The following FYB1 variants were observed in gnomAD, a reference collection of about 807,000 sequenced individuals.
FYB1 encodes FYN-binding protein 1.
A neutral mutation model predicts 94.1 loss-of-function variants in FYB1; 41 were observed. That is an observed-to-expected ratio of 0.44 (90% CI 0.34 to 0.57). The LOEUF is 0.57. Among genes scored for constraint, FYB1 ranks in the 20% least tolerant of loss-of-function variants. FYB1 has a pLI of 0.02. For missense variants in FYB1, 1,050 were observed against 976.8 expected (o/e 1.07, Z -1.00); for synonymous variants, 367 against 353.2 (o/e 1.04, Z -0.44).
chr5:39,140,279 T>G (rs188652593), intron 4 of FYB1, among the ~76,000 whole-genome samples: 169 of 152,110 alleles, frequency 1.1e-3, no homozygotes, highest in African/African-American at 4.0e-3. Context: ...CCCCTACAAG[T>G]TAACTAGAAA....
intron 1 of FYB1, chr5:39,270,605 A>C (rs1214837577): frequency 1.2e-5 from 19 of 1,533,846 alleles, no homozygotes; most frequent in Non-Finnish European, 1.5e-5. Context: ...CCTGGCACAC[A>C]ATGACCCCGA....
intron 1 of FYB1, among the ~76,000 whole-genome samples, chr5:39,231,687 A>G (rs937345597): frequency 3.3e-5 from 5 of 151,094 alleles, no homozygotes; most frequent in African/African-American, 1.2e-4. Context: ...GGAGGTGCTC[A>G]GACACTAATT....
intron 14 of FYB1, among the ~76,000 whole-genome samples, chr5:39,122,078 A>G (rs1740170887): frequency 1.3e-5 from 2 of 152,070 alleles, no homozygotes; most frequent in South Asian, 2.1e-4. Flanking sequence ...TCAGGAAACA[A>G]GAAGCAGAAC....
chr5:39,240,392 T>C (rs930433528), intron 1 of FYB1, among the ~76,000 whole-genome samples: 1 of 151,950 alleles, frequency 6.6e-6, no homozygotes, highest in African/African-American at 2.4e-5. Flanking sequence ...AGACAATCTA[T>C]AGAATGGGAG....
intron 4 of FYB1, among the ~76,000 whole-genome samples, chr5:39,140,428 T>C (rs1214170289): frequency 6.6e-6 from 1 of 152,152 alleles, no homozygotes; most frequent in Non-Finnish European, 1.5e-5. Flanking sequence ...AAAGGAGATA[T>C]AATTTGATTC....
intron 1 of FYB1, among the ~76,000 whole-genome samples, chr5:39,251,807 T>C (rs1751723538): frequency 6.6e-6 from 1 of 152,110 alleles, no homozygotes; most frequent in Non-Finnish European, 1.5e-5. Flanking sequence ...TATTGGGTAA[T>C]ATAATGTAAA....
intron 1 of FYB1, among the ~76,000 whole-genome samples, chr5:39,213,850 TTGGC>T (rs755134320): frequency 3.9e-5 from 6 of 152,228 alleles, no homozygotes; most frequent in South Asian, 2.1e-4. Context: ...TATCGTTCAT[TTGGC>T]TGCAGCCTCA....
chr5:39,248,236 A>C (rs914695519), intron 1 of FYB1, among the ~76,000 whole-genome samples: 5 of 152,230 alleles, frequency 3.3e-5, no homozygotes, highest in Non-Finnish European at 5.9e-5. Context: ...CAGGCACTGG[A>C]TAAGGAGCTT....
chr5:39,242,066 T>C (rs1487442387), intron 1 of FYB1, among the ~76,000 whole-genome samples: 1 of 152,180 alleles, frequency 6.6e-6, no homozygotes, highest in Non-Finnish European at 1.5e-5. Context: ...ATCACTATTT[T>C]TTTTCCCTCT....
intron 4 of FYB1, 70 bp downstream of exon 4, chr5:39,141,025 A>C (rs988685592): frequency 1.9e-6 from 2 of 1,079,052 alleles, no homozygotes; most frequent in Non-Finnish European, 2.8e-6. Context: ...TGAGCCTATA[A>C]GAATGAATAG....
intron 16 of FYB1, among the ~76,000 whole-genome samples, chr5:39,115,226 G>A (rs1739424705): frequency 6.6e-6 from 1 of 151,822 alleles, no homozygotes; most frequent in South Asian, 2.1e-4. Context: ...CTCTCTAGTA[G>A]CTGGACTACA....
At chr5:39,129,815 C>A (rs889803916) in intron 10 of FYB1, among the ~76,000 whole-genome samples, 2 of 151,530 alleles carry the variant, frequency 1.3e-5, no homozygotes, top group East Asian at 3.9e-4. Flanking sequence ...CTCATACTGT[C>A]GGTGGGAATA....
At chr5:39,203,136 G>A in intron 1 of FYB1, 149 bp from the exon 2 acceptor site, 1 of 655,346 alleles carries the variant, frequency 1.5e-6, no homozygotes, top group South Asian at 2.1e-5. Flanking sequence ...TTCCTCTCTG[G>A]CAAAATAAGT....
At chr5:39,158,665 T>C (rs1157111925) in intron 2 of FYB1, among the ~76,000 whole-genome samples, 4 of 152,190 alleles carry the variant, frequency 2.6e-5, no homozygotes, top group Non-Finnish European at 5.9e-5. Context: ...AGACTTAGGA[T>C]ATCTACCTTG....
At chr5:39,181,616 A>G (rs538729554) in intron 2 of FYB1, among the ~76,000 whole-genome samples, 1 of 152,234 alleles carries the variant, frequency 6.6e-6, no homozygotes, top group African/African-American at 2.4e-5. Context: ...AAGATTCCTC[A>G]AATTGAACAT....
At chr5:39,234,078 A>G (rs1166281704) in intron 1 of FYB1, among the ~76,000 whole-genome samples, 3 of 152,216 alleles carry the variant, frequency 2.0e-5, no homozygotes, top group East Asian at 3.9e-4. Flanking sequence ...CGCCACATGC[A>G]TGATATCCAG....
intron 1 of FYB1, among the ~76,000 whole-genome samples, chr5:39,252,512 G>C (rs1751769240): frequency 6.6e-6 from 1 of 152,234 alleles, no homozygotes; most frequent in East Asian, 1.9e-4. Flanking sequence ...AAATCAATTG[G>C]TATAAATTCT....
At position 39,237,416 on chromosome 5, in the gene FYB1, G is replaced by A. The variant is rs555328946; in HGVS notation, c.-27-34429C>T. ...CTGTGGGTCCAGGTGTTATAAATGA[G>A]TTGAGATTGATCCACTAAGGCCTTG... On this transcript the variant is annotated intron_variant, in intron 1 of 1. Transcript: ENST00000510188. 5.3e-5 allele frequency among the ~76,000 whole-genome samples: 8 copies of A among 152,106 alleles called. No homozygotes were observed. In the South Asian group the frequency reaches 1.7e-3, roughly 32 times the overall value.
intron 3 of FYB1, among the ~76,000 whole-genome samples, chr5:39,144,849 C>G (rs66496885): frequency 3.3e-5 from 5 of 151,920 alleles, no homozygotes; most frequent in African/African-American, 9.7e-5. Context: ...TATATGCCAA[C>G]GTAGATGTGT....
Sources: allele counts gnomAD v4.1 joint callset (sites outside exome capture counted in the v4.1 genomes callset), GRCh38; gene constraint gnomAD v4.1.1; transcripts MANE v1.5; gene names NCBI Gene and HGNC (gene_info 2026-07-23, HGNC 2026-07-21).